Variants in DPP3 observed in about 807,000 individuals in gnomAD.
DPP3 encodes DPP III.
Under a neutral mutation model 89.8 loss-of-function variants are expected in DPP3, and 64 were observed. The observed-to-expected ratio is 0.71, with a 90% confidence interval of 0.58 to 0.88. The LOEUF (loss-of-function observed/expected upper bound fraction) is 0.88, where lower values mean the gene tolerates loss of function less well. Ranked by LOEUF, DPP3 falls within the 40% of genes least tolerant of loss-of-function variation. The pLI, the probability that DPP3 is intolerant of heterozygous loss-of-function variation, is 0.00. For synonymous variants in DPP3, 377 were observed against 404.3 expected (o/e 0.93, Z 0.81); for missense variants, 835 against 972.5 (o/e 0.86, Z 1.88).
intron 9 of DPP3, 44 bp downstream of exon 9, chr11:66,491,800 C>A (rs768403366): frequency 6.2e-7 from 1 of 1,603,664 alleles, no homozygotes; most frequent in Non-Finnish European, 8.5e-7. Flanking sequence ...CCTTCCCCCA[C>A]ATCCAAGTCC....
chr11:66,486,397 A>T (rs1296690170), intron 3 of DPP3, 143 bp from the exon 4 acceptor site: 2 of 1,050,884 alleles, frequency 1.9e-6, no homozygotes, highest in Admixed American at 3.0e-5. Flanking sequence ...ATTTCTCAGG[A>T]CCTACAAGTG....
chr11:66,481,832 G>A (rs1855091352), intron 1 of DPP3, among the ~76,000 whole-genome samples: 1 of 152,108 alleles, frequency 6.6e-6, no homozygotes, highest in South Asian at 2.1e-4. Flanking sequence ...ATTTTTAGTA[G>A]AAAGGAGGTT....
At position 66,509,601 on chromosome 11, in the gene DPP3, A is replaced by C; in HGVS notation, c.*350A>C. 3.1e-6 allele frequency: 2 copies of C among 645,416 alleles called. No homozygotes were observed. Among genetic ancestry groups the C allele is most frequent in the Non-Finnish European group, 5.7e-6 (2 of 353,636 alleles). 40.0% of individuals were successfully genotyped at this position (645,416 alleles called of 1,614,324 possible). A position where few individuals can be genotyped will look rare whatever the true frequency, so the allele number is the denominator to read the frequency against. On this transcript the variant is annotated 3_prime_UTR_variant, in exon 18 of 18. Coordinates refer to ENST00000531863, the MANE Select transcript of DPP3 (RefSeq NM_130443.4). ...GTTCAAAACGTTCTCACCAAATCCA[A>C]TGCTCCTCACATATTAATTTTATAA... is the stretch of plus-strand genomic sequence containing the variant.
chr11:66,495,034 A>G (rs1855492981), intron 12 of DPP3, among the ~76,000 whole-genome samples, 172 bp from the exon 13 acceptor site: 2 of 152,206 alleles, frequency 1.3e-5, no homozygotes, highest in Admixed American at 1.3e-4. Context: ...AGCCAGCGTC[A>G]CAGGGCTCAG....
Position 66,486,568 on chromosome 11 carries a change from G to C in DPP3, c.389G>C (p.Ser130Thr). 1 of 1,564,294 alleles carries C rather than the reference G, an allele frequency of 6.4e-7. No homozygotes were observed. The highest frequency in any genetic ancestry group is 8.7e-7 in the Non-Finnish European group (1 of 1,156,000). Reference sequence around the variant, plus strand: ...AAGCTGGAACGGGTGATCCTAGGGAGTGAGGCTGCTCAGCAGCACCCAGAA... The same window carrying C: ...AAGCTGGAACGGGTGATCCTAGGGACTGAGGCTGCTCAGCAGCACCCAGAA... ...KEKLERVILG[S>T]EAAQQHPEEV... Residue 130 changes from serine to threonine, a missense_variant, in exon 4 of 18, where the codon AGT becomes ACT. Ser to Thr is a moderately conservative substitution (Grantham distance 58, BLOSUM62 1). Transcript: ENST00000531863.
Position 66,509,231 on chromosome 11 carries a change from G to A in DPP3, c.2194G>A (p.Ala732Thr), listed in dbSNP as rs1266213161. 1.2e-6 allele frequency: 2 copies of A among 1,611,978 alleles called. No individual in the cohort carries two copies. The highest frequency in any genetic ancestry group is 1.7e-6 in the Non-Finnish European group (2 of 1,179,044). ...DARFWKGPSE[A>T]PSGQA is the part of the protein sequence containing the mutation. ...CCGATTCTGGAAGGGCCCCAGTGAG[G>A]CCCCATCTGGCCAAGCTTGAGGAAG... is the stretch of plus-strand genomic sequence containing the variant. The change falls in exon 18 of 18, where the codon GCC (alanine) becomes ACC (threonine). Residue 732 changes from alanine to threonine, a missense_variant. Coordinates refer to ENST00000531863, the MANE Select transcript of DPP3 (RefSeq NM_130443.4).
At chr11:66,502,208 A>G (rs1168530480) in intron 16 of DPP3, among the ~76,000 whole-genome samples, 1 of 152,098 alleles carries the variant, frequency 6.6e-6, no homozygotes, top group African/African-American at 2.4e-5. Context: ...AAAGTACAAT[A>G]TCAAGGATAG....
At chr11:66,508,688 A>T (rs1855864894) in intron 17 of DPP3, among the ~76,000 whole-genome samples, 1 of 151,938 alleles carries the variant, frequency 6.6e-6, no homozygotes, top group African/African-American at 2.4e-5. Flanking sequence ...ACGCCCAGCT[A>T]ATTTTTTTGT....
At chr11:66,498,440 G>T (rs927270988) in intron 16 of DPP3, among the ~76,000 whole-genome samples, 3 of 152,048 alleles carry the variant, frequency 2.0e-5, no homozygotes, top group Non-Finnish European at 4.4e-5. Context: ...TGTTGGCCAG[G>T]CTTGTCTCGA....
intron 1 of DPP3, 21 bp from the exon 2 acceptor site, chr11:66,482,172 G>A (rs200239534): frequency 4.3e-6 from 7 of 1,611,774 alleles, no homozygotes; most frequent in Non-Finnish European, 5.1e-6. Flanking sequence ...CAACAGCTGT[G>A]ATGACAGTGA....
intron 3 of DPP3, 133 bp downstream of exon 3, chr11:66,485,395 G>C: frequency 3.5e-6 from 3 of 847,812 alleles, no homozygotes; most frequent in Non-Finnish European, 5.6e-6. Flanking sequence ...CTTCCACCCT[G>C]CATGACTGTG....
intron 4 of DPP3, 23 bp from the exon 5 acceptor site, chr11:66,487,245 A>G (rs754200219): frequency 6.2e-7 from 1 of 1,612,702 alleles, no homozygotes; most frequent in Non-Finnish European, 8.5e-7. Flanking sequence ...CCTCTTTCTC[A>G]TGTCCCCTGT....
At chr11:66,490,470 A>G (rs527246804) in intron 6 of DPP3, among the ~76,000 whole-genome samples, 19 of 152,122 alleles carry the variant, frequency 1.2e-4, no homozygotes, top group African/African-American at 4.3e-4. Context: ...CAGCCCCCCA[A>G]CTTCACTCCA....
intron 17 of DPP3, 69 bp from the exon 18 acceptor site, chr11:66,509,010 G>C: frequency 6.4e-7 from 1 of 1,560,246 alleles, no homozygotes; most frequent in Admixed American, 1.8e-5. Flanking sequence ...TGATTATTAA[G>C]ATTTTTATGA....
chr11:66,493,464 C>T, intron 11 of DPP3, 77 bp from the exon 12 acceptor site: 2 of 1,479,646 alleles, frequency 1.4e-6, no homozygotes, highest in South Asian at 1.2e-5. Flanking sequence ...GGTCCATGGC[C>T]CAGGGGAGGG....
intron 17 of DPP3, among the ~76,000 whole-genome samples, chr11:66,505,512 C>G (rs1330523572): frequency 6.6e-6 from 1 of 152,162 alleles, no homozygotes; most frequent in Admixed American, 6.6e-5. Context: ...TATCGTGAAC[C>G]TGAATTCCTT....
chr11:66,493,200 G>A, intron 11 of DPP3, 21 bp downstream of exon 11: 2 of 1,603,590 alleles, frequency 1.2e-6, no homozygotes, highest in Non-Finnish European at 1.7e-6. Context: ...GCAGTCGGAG[G>A]GTCGGGGCTG....
chr11:66,508,272 TAATA>T (rs1385873753), intron 17 of DPP3, among the ~76,000 whole-genome samples: 1 of 152,206 alleles, frequency 6.6e-6, no homozygotes, highest in Non-Finnish European at 1.5e-5. Context: ...ACAGCCCATT[TAATA>T]AATCAGTAAA....
At chr11:66,507,368 G>A (rs550344767) in intron 17 of DPP3, among the ~76,000 whole-genome samples, 1 of 152,176 alleles carries the variant, frequency 6.6e-6, no homozygotes, top group African/African-American at 2.4e-5. Flanking sequence ...TCAGGAGACT[G>A]AGGCAGGAGA....
Sources: allele counts gnomAD v4.1 joint callset (sites outside exome capture counted in the v4.1 genomes callset), GRCh38; gene constraint gnomAD v4.1.1; transcripts MANE v1.5; gene names NCBI Gene and HGNC (gene_info 2026-07-23, HGNC 2026-07-21).